CHD6: variants seen among roughly 807,000 people sequenced by gnomAD.
CHD6 encodes the protein ATP-dependent chromatin remodeler CHD6.
Under a neutral mutation model 276.9 loss-of-function variants are expected in CHD6, and 50 were observed. The ratio of observed to expected loss-of-function variants is 0.18; its 90% CI spans 0.14 to 0.23. The LOEUF (loss-of-function observed/expected upper bound fraction) is 0.23. CHD6 is among the 10% of genes least tolerant of loss of function. The pLI is 1.00. For missense variants in CHD6, 2,564 were observed against 3,365.8 expected (o/e 0.76, Z 5.89); for synonymous variants, 1,173 against 1,229.3 (o/e 0.95, Z 0.96).
At chr20:41,430,918 G>A (rs539488890) in intron 27 of CHD6, among the ~76,000 whole-genome samples, 1 of 147,090 alleles carries the variant, frequency 6.8e-6, no homozygotes, top group South Asian at 2.2e-4. Context: ...GGAGTGTGGT[G>A]GCTCGATCTT....
chr20:41,492,197 A>C (rs114293872), intron 10 of CHD6, among the ~76,000 whole-genome samples: 166 of 152,310 alleles, frequency 1.1e-3, no homozygotes, highest in African/African-American at 3.9e-3. Flanking sequence ...CTTGTTTCTT[A>C]CCATATCTCA....
chr20:41,564,257 T>A (rs1230065358), intron 1 of CHD6: 2 of 576,670 alleles, frequency 3.5e-6, no homozygotes, highest in Admixed American at 6.8e-5. Flanking sequence ...CATTTTCTCT[T>A]CCCGTTTTCC....
At chr20:41,529,568 T>C (rs1302208475) in intron 3 of CHD6, among the ~76,000 whole-genome samples, 1 of 152,144 alleles carries the variant, frequency 6.6e-6, no homozygotes, top group Non-Finnish European at 1.5e-5. Context: ...ATATCTGAAC[T>C]GAGACTTGCA....
intron 1 of CHD6, among the ~76,000 whole-genome samples, chr20:41,597,026 AGGCCATATAAAGGGTATGTAAAAGC>A (rs1461338875): frequency 6.6e-6 from 1 of 152,178 alleles, no homozygotes; most frequent in Admixed American, 6.5e-5. Context: ...CCCACTCACT[AGGCCATATAAAGGGTATGTAAAAGC>A]AAAGCAAGGA....
chr20:41,574,801 T>C (rs904890908), intron 1 of CHD6, among the ~76,000 whole-genome samples: 5 of 152,030 alleles, frequency 3.3e-5, no homozygotes, highest in African/African-American at 1.2e-4. Context: ...GGTAGGAAAA[T>C]AGGGTCTGGA....
intron 18 of CHD6, 148 bp from the exon 19 acceptor site, chr20:41,456,127 A>G (rs2048371219): frequency 1.5e-6 from 1 of 687,024 alleles, no homozygotes; most frequent in Non-Finnish European, 2.3e-6. Flanking sequence ...CAGCTAGTGA[A>G]ATCCCAGATG....
intron 5 of CHD6, among the ~76,000 whole-genome samples, chr20:41,499,649 T>G (rs894627398): frequency 2.6e-5 from 4 of 152,204 alleles, no homozygotes; most frequent in Non-Finnish European, 5.9e-5. Flanking sequence ...AGATTTACCT[T>G]CTTTGCAAAA....
intron 1 of CHD6, among the ~76,000 whole-genome samples, chr20:41,555,651 A>G (rs1468345136): frequency 6.8e-6 from 1 of 146,520 alleles, no homozygotes; most frequent in African/African-American, 2.6e-5. Flanking sequence ...CACATCCCAG[A>G]CGGGGCGGCG....
In CHD6 at chr20:41,481,323, T is replaced by G. The variant is rs574697524; in HGVS notation, c.2468+1986A>C. Among the ~76,000 whole-genome samples the G allele has an allele frequency of 5.0e-4, 76 of 151,642 alleles. 1 individual carries two copies. The highest frequency in any genetic ancestry group is 1.6e-3 in the African/African-American group (67 of 41,410). On this transcript the variant is annotated intron_variant, in intron 16 of 36. Coordinates refer to ENST00000373233, the MANE Select transcript of CHD6 (RefSeq NM_032221.5). Reference sequence around the variant, plus strand: ...GAAAACCCATACTCATAAATAAAATTAAAGAACAAAAACAACACTGGGGAA... The same window carrying G: ...GAAAACCCATACTCATAAATAAAATGAAAGAACAAAAACAACACTGGGGAA...
chr20:41,497,243 G>T (rs772431587), intron 8 of CHD6, 141 bp downstream of exon 8: 1 of 653,166 alleles, frequency 1.5e-6, no homozygotes, highest in South Asian at 1.8e-5. Context: ...GACTAGTTTT[G>T]TTGCAAATCA....
At chr20:41,570,819 G>A (rs2045408442) in intron 1 of CHD6, among the ~76,000 whole-genome samples, 1 of 152,168 alleles carries the variant, frequency 6.6e-6, no homozygotes, top group Non-Finnish European at 1.5e-5. Context: ...CCTAAATTCT[G>A]TTCACAGTGT....
chr20:41,423,391 A>T, intron 30 of CHD6, 101 bp downstream of exon 30: 1 of 1,084,560 alleles, frequency 9.2e-7, no homozygotes, highest in African/African-American at 1.6e-5. Flanking sequence ...TTCCTCATGT[A>T]GACTCTAGTT....
intron 2 of CHD6, among the ~76,000 whole-genome samples, chr20:41,536,961 A>G (rs192317535): frequency 6.6e-6 from 1 of 152,314 alleles, no homozygotes; most frequent in East Asian, 1.9e-4. Context: ...ATATATAGAG[A>G]TGTGAAGGTT....
At chr20:41,475,817 G>A (rs1286069735) in intron 16 of CHD6, among the ~76,000 whole-genome samples, 3 of 152,032 alleles carry the variant, frequency 2.0e-5, no homozygotes, top group Non-Finnish European at 4.4e-5. Flanking sequence ...AAGGGGGAGG[G>A]GAAATCAATA....
chr20:41,470,287 A>T (rs1047726978), intron 17 of CHD6, among the ~76,000 whole-genome samples: 1 of 151,954 alleles, frequency 6.6e-6, no homozygotes, highest in African/African-American at 2.4e-5. Context: ...CCACTCTTCT[A>T]GTCCCCTGTC....
At chr20:41,534,167 A>G (rs956809795) in intron 2 of CHD6, among the ~76,000 whole-genome samples, 5 of 152,254 alleles carry the variant, frequency 3.3e-5, no homozygotes, top group African/African-American at 7.2e-5. Context: ...ATAGTCGGTA[A>G]CAATGTGGGT....
Position 41,607,554 on chromosome 20 carries a change from A to C in CHD6, c.-24+10786T>G, listed in dbSNP as rs1023570821. Among the ~76,000 whole-genome samples the C allele has an allele frequency of 2.6e-5, 4 of 152,340 alleles. No individual in the cohort carries two copies. In the East Asian group the frequency reaches 5.8e-4, roughly 22 times the overall value. On this transcript the variant is annotated intron_variant, in intron 1 of 36. Coordinates refer to ENST00000373233, the MANE Select transcript of CHD6 (RefSeq NM_032221.5). Reference sequence around the variant, plus strand: ...TAAGAAAAGACAAAGGCAATTCAATATGAAATGCCCAATTAGTTACAGAGG... The same window carrying C: ...TAAGAAAAGACAAAGGCAATTCAATCTGAAATGCCCAATTAGTTACAGAGG...
At chr20:41,576,132 A>C (rs889345807) in intron 1 of CHD6, among the ~76,000 whole-genome samples, 1 of 152,220 alleles carries the variant, frequency 6.6e-6, no homozygotes, top group Non-Finnish European at 1.5e-5. Context: ...AAAATGATTC[A>C]GGAAATGTTT....
intron 1 of CHD6, among the ~76,000 whole-genome samples, chr20:41,614,420 G>C (rs181358924): frequency 2.0e-5 from 3 of 151,884 alleles, no homozygotes; most frequent in East Asian, 1.9e-4. Context: ...AAAGAAAAAA[G>C]GTTCATCAAT....
Sources: gnomAD v4.1 joint callset for allele counts (sites outside exome capture counted in the v4.1 genomes callset) on GRCh38, gnomAD v4.1.1 for gene constraint, MANE v1.5 for transcripts, NCBI Gene and HGNC (gene_info 2026-07-23, HGNC 2026-07-21) for gene names.